Variants in CADM2 observed in about 807,000 individuals in gnomAD.
The protein encoded by CADM2 is cell adhesion molecule 2, also known as immunoglobulin superfamily member 4D.
CADM2 carries 12 observed loss-of-function variants against 49.8 expected under a neutral mutation model. That is an observed-to-expected ratio of 0.24 (90% CI 0.15 to 0.39). CADM2 has a LOEUF of 0.39. Ranked by LOEUF, CADM2 falls within the 10% of genes least tolerant of loss-of-function variation. The pLI, the probability that CADM2 is intolerant of heterozygous loss-of-function variation, is 1.00. For missense variants in CADM2, 378 were observed against 492.3 expected (o/e 0.77, Z 2.20); for synonymous variants, 214 against 175.4 (o/e 1.22, Z -1.74).
chr3:86,024,785 A>C (rs1733677111), intron 8 of CADM2, among the ~76,000 whole-genome samples: 1 of 152,210 alleles, frequency 6.6e-6, no homozygotes, highest in African/African-American at 2.4e-5. Context: ...AAAATGAAGG[A>C]TGCTCTATTA....
chr3:85,460,737 T>G (rs889793247), intron 1 of CADM2, among the ~76,000 whole-genome samples: 5 of 151,682 alleles, frequency 3.3e-5, no homozygotes, highest in African/African-American at 1.2e-4. Context: ...AGATGTGGTG[T>G]GTGTGTGTGT....
chr3:85,388,489 A>C (rs1435932434), intron 1 of CADM2, among the ~76,000 whole-genome samples: 1 of 152,150 alleles, frequency 6.6e-6, no homozygotes, highest in African/African-American at 2.4e-5. Context: ...TCATGTTTTC[A>C]GAAACAGCTA....
chr3:85,419,074 A>G (rs944858716), intron 1 of CADM2, among the ~76,000 whole-genome samples: 1 of 152,146 alleles, frequency 6.6e-6, no homozygotes, highest in Non-Finnish European at 1.5e-5. Flanking sequence ...TGATTTATGA[A>G]GATTCATATT....
intron 1 of CADM2, among the ~76,000 whole-genome samples, chr3:85,718,661 A>G (rs965494878): frequency 6.6e-6 from 1 of 152,018 alleles, no homozygotes; most frequent in Non-Finnish European, 1.5e-5. Context: ...TTGTACTAGA[A>G]CCATGAAAAC....
At chr3:86,054,287 CA>C (rs1416409322) in intron 8 of CADM2, among the ~76,000 whole-genome samples, 3 of 152,030 alleles carry the variant, frequency 2.0e-5, no homozygotes, top group Admixed American at 6.6e-5. Flanking sequence ...AACTCATAAA[CA>C]TAGTTAATAT....
intron 1 of CADM2, among the ~76,000 whole-genome samples, chr3:85,577,273 A>G (rs1219126730): frequency 6.6e-6 from 1 of 152,178 alleles, no homozygotes; most frequent in African/African-American, 2.4e-5. Flanking sequence ...AATCCCCAAT[A>G]TAACGGGGTT....
chr3:85,509,181 C>G (rs961012201), intron 1 of CADM2, among the ~76,000 whole-genome samples: 4 of 152,062 alleles, frequency 2.6e-5, no homozygotes, highest in Non-Finnish European at 4.4e-5. Context: ...CTAAAACTTA[C>G]CTAAGTTCTT....
chr3:85,579,387 C>T (rs543135253), intron 1 of CADM2, among the ~76,000 whole-genome samples: 5 of 152,182 alleles, frequency 3.3e-5, no homozygotes, highest in Admixed American at 6.6e-5. Flanking sequence ...GCCTAGTTTA[C>T]GACCTAACCA....
intron 1 of CADM2, among the ~76,000 whole-genome samples, chr3:85,532,415 A>G (rs1024036827): frequency 2.0e-5 from 3 of 152,148 alleles, no homozygotes; most frequent in Non-Finnish European, 2.9e-5. Flanking sequence ...TTAAATTTTA[A>G]TTGTATTTCA....
rs1044067071 is a variant in CADM2, at chr3:85,889,482, G to A, written c.529+3155G>A. On this transcript the variant is annotated intron_variant, in intron 5 of 9. Coordinates refer to ENST00000383699, the MANE Select transcript of CADM2 (RefSeq NM_001167675.2). Reference sequence around the variant, plus strand: ...CCATTGTGTTAAATGTGTGAATGATGTTGACGCTCCTGTTTCAGGATCACT... The same window carrying A: ...CCATTGTGTTAAATGTGTGAATGATATTGACGCTCCTGTTTCAGGATCACT... Among the ~76,000 whole-genome samples the A allele has an allele frequency of 4.6e-5, 7 of 152,278 alleles. No individual in the cohort carries two copies. The South Asian group carries it at 1.2e-3, about 27-fold the overall frequency.
chr3:85,080,790 A>AT (rs1293378017), intron 1 of CADM2, among the ~76,000 whole-genome samples: 1 of 151,930 alleles, frequency 6.6e-6, no homozygotes, highest in African/African-American at 2.4e-5. Context: ...GTCCTATATT[A>AT]TTTTTTTCAA....
rs754376342 is a variant in CADM2 at position 84,966,297 on chromosome 3, C to T, written c.61+6629C>T. Among the ~76,000 whole-genome samples the T allele has an allele frequency of 2.2e-4, 33 of 151,918 alleles. 1 individual carries two copies. The highest frequency in any genetic ancestry group is 4.1e-4 in the Non-Finnish European group (28 of 67,938). ...ACAGTCACTTATTTATATATATGCA[C>T]ATATATACACATTTAAGTATGTCAT... On this transcript the variant is annotated intron_variant, in intron 1 of 9. Coordinates refer to ENST00000383699, the MANE Select transcript of CADM2 (RefSeq NM_001167675.2).
intron 6 of CADM2, among the ~76,000 whole-genome samples, chr3:85,920,499 G>A (rs919046382): frequency 2.0e-5 from 3 of 151,748 alleles, no homozygotes; most frequent in Non-Finnish European, 4.4e-5. Flanking sequence ...TTTAGTAAGA[G>A]ATGCATTTCA....
chr3:85,969,411 C>G (rs2108636588), intron 8 of CADM2, among the ~76,000 whole-genome samples: 1 of 151,422 alleles, frequency 6.6e-6, no homozygotes, highest in East Asian at 2.0e-4. Flanking sequence ...CCAAGATGCA[C>G]AAGAAATGCT....
intron 6 of CADM2, among the ~76,000 whole-genome samples, chr3:85,930,880 GATTA>G (rs1268387614): frequency 4.7e-5 from 7 of 149,786 alleles, no homozygotes; most frequent in Admixed American, 3.3e-4. Context: ...AAATATTTAA[GATTA>G]ATTATATGTT....
intron 8 of CADM2, chr3:86,013,753 T>C (rs1466477994): frequency 1.3e-6 from 2 of 1,591,492 alleles, no homozygotes; most frequent in Non-Finnish European, 1.7e-6. Flanking sequence ...GATGCAGAAA[T>C]TTTGGCTGTG....
At chr3:85,965,900 A>T (rs773295015) in intron 8 of CADM2, among the ~76,000 whole-genome samples, 4 of 151,728 alleles carry the variant, frequency 2.6e-5, no homozygotes, top group African/African-American at 9.7e-5. Flanking sequence ...TTGATTAAAA[A>T]TACACTCATA....
chr3:85,835,187 G>C (rs778998518), intron 3 of CADM2, among the ~76,000 whole-genome samples: 1 of 151,520 alleles, frequency 6.6e-6, no homozygotes, highest in South Asian at 2.1e-4. Flanking sequence ...TGCTAGGGTT[G>C]CCTTTCCTTT....
At chr3:85,779,939 C>G (rs1026849007) in intron 2 of CADM2, among the ~76,000 whole-genome samples, 1 of 152,034 alleles carries the variant, frequency 6.6e-6, no homozygotes, top group Non-Finnish European at 1.5e-5. Flanking sequence ...AATGATTGAA[C>G]TGGTGAAGAT....
Sources: allele counts gnomAD v4.1 joint callset (sites outside exome capture counted in the v4.1 genomes callset), GRCh38; gene constraint gnomAD v4.1.1; transcripts MANE v1.5; gene names NCBI Gene and HGNC (gene_info 2026-07-23, HGNC 2026-07-21).